GUCY1A2: variants seen among roughly 807,000 people sequenced by gnomAD.
GUCY1A2 encodes guanylate cyclase soluble subunit alpha-2.
Under a neutral mutation model 63.5 loss-of-function variants are expected in GUCY1A2, and 27 were observed. The ratio of observed to expected loss-of-function variants is 0.43; its 90% confidence interval spans 0.31 to 0.59. The LOEUF (loss-of-function observed/expected upper bound fraction) is 0.59. Ranked by LOEUF, GUCY1A2 falls within the 20% of genes least tolerant of loss-of-function variation. The pLI is 0.11. For missense variants in GUCY1A2, 768 were observed against 913.3 expected (o/e 0.84, Z 2.05); for synonymous variants, 364 against 343.5 (o/e 1.06, Z -0.66).
At chr11:106,894,974 T>G (rs1422892223) in intron 4 of GUCY1A2, among the ~76,000 whole-genome samples, 3 of 152,058 alleles carry the variant, frequency 2.0e-5, no homozygotes, top group African/African-American at 4.8e-5. Context: ...ACGTGGTTCT[T>G]TGAAAAGGTT....
intron 3 of GUCY1A2, among the ~76,000 whole-genome samples, chr11:106,954,158 T>C (rs748390683): frequency 6.6e-6 from 1 of 152,230 alleles, no homozygotes; most frequent in Non-Finnish European, 1.5e-5. Flanking sequence ...TTTAATGCTA[T>C]AGATTTCCAT....
chr11:106,840,852 C>A (rs975271313), intron 4 of GUCY1A2, among the ~76,000 whole-genome samples: 8 of 151,762 alleles, frequency 5.3e-5, no homozygotes, highest in Non-Finnish European at 1.2e-4. Context: ...AAATAAACTT[C>A]GGAAAAAATT....
At chr11:106,921,849 C>T (rs1860448495) in intron 4 of GUCY1A2, among the ~76,000 whole-genome samples, 1 of 152,146 alleles carries the variant, frequency 6.6e-6, no homozygotes, top group Non-Finnish European at 1.5e-5. Flanking sequence ...CCATTAACAA[C>T]ATGTGTTGTA....
chr11:106,957,670 A>G (rs1861004957), intron 3 of GUCY1A2, among the ~76,000 whole-genome samples: 1 of 151,434 alleles, frequency 6.6e-6, no homozygotes, highest in South Asian at 2.1e-4. Context: ...AAGGATTCAC[A>G]TGCTTAGATT....
Position 106,939,514 on chromosome 11 carries a change from G to C in GUCY1A2, c.1152C>G (p.Thr384=). 4 of 1,612,934 alleles carry C rather than the reference G, an allele frequency of 2.5e-6. No individual in the cohort carries two copies. Among genetic ancestry groups the C allele is most frequent in the Non-Finnish European group, 3.4e-6 (4 of 1,179,022 alleles). ...TFERVLLRLS[T]PFVIRTKPEA... is the part of the protein sequence containing the mutation. ...CAGGCTTGGTTCTAATCACAAACGG[G>C]GTAGACAGTCGCAGCAGGACCCTTT... Residue 384 remains threonine (T), a synonymous_variant, in exon 4 of 8, where the codon ACC becomes ACG. Transcript: ENST00000526355.
At chr11:106,709,548 AT>A (rs1412052300) in intron 6 of GUCY1A2, among the ~76,000 whole-genome samples, 2,508 of 56,580 alleles carry the variant, frequency 0.044, 176 homozygotes, top group African/African-American at 0.17. Flanking sequence ...ATATTATATT[AT>A]TATATAAATA....
chr11:106,762,818 T>C (rs1864088493), intron 6 of GUCY1A2, among the ~76,000 whole-genome samples: 1 of 152,130 alleles, frequency 6.6e-6, no homozygotes, highest in South Asian at 2.1e-4. Flanking sequence ...TTTTCTTTTA[T>C]GGTCATTATT....
intron 6 of GUCY1A2, among the ~76,000 whole-genome samples, chr11:106,768,158 C>T (rs1338328622): frequency 6.6e-6 from 1 of 152,104 alleles, no homozygotes; most frequent in Non-Finnish European, 1.5e-5. Flanking sequence ...CAATCTCTCT[C>T]TCTCTTTCTA....
intron 4 of GUCY1A2, among the ~76,000 whole-genome samples, chr11:106,841,310 G>A (rs1160018545): frequency 6.6e-6 from 1 of 151,792 alleles, no homozygotes; most frequent in South Asian, 2.1e-4. Flanking sequence ...AATATGTTAG[G>A]TGTATTTGAT....
intron 1 of GUCY1A2, among the ~76,000 whole-genome samples, chr11:107,003,189 A>C (rs1861631294): frequency 6.6e-6 from 1 of 152,094 alleles, no homozygotes; most frequent in Admixed American, 6.6e-5. Flanking sequence ...TTGTTTACTC[A>C]CCATATATTC....
intron 2 of GUCY1A2, among the ~76,000 whole-genome samples, chr11:106,982,515 T>C (rs1270573204): frequency 6.6e-6 from 1 of 152,160 alleles, no homozygotes; most frequent in African/African-American, 2.4e-5. Flanking sequence ...CAAGTGAGCA[T>C]GAATATGTAG....
In GUCY1A2 at chr11:106,879,911, T is replaced by G. The variant is rs117171403; in HGVS notation, c.1206+59549A>C. The stretch of plus-strand genomic sequence containing the variant: ...ATTAAGGTAGAGCTATATGCTGTCA[T>G]CAGTTAATCTAATTTTAAAAATTGA... On this transcript the variant is annotated intron_variant, in intron 4 of 7. Transcript: ENST00000526355. 6.1e-3 allele frequency among the ~76,000 whole-genome samples: 933 copies of G among 152,210 alleles called. 7 individuals carry two copies. The highest frequency in any genetic ancestry group is 0.011 in the Non-Finnish European group (720 of 68,002).
intron 4 of GUCY1A2, among the ~76,000 whole-genome samples, chr11:106,816,559 G>A (rs566339356): frequency 2.0e-5 from 3 of 150,468 alleles, no homozygotes; most frequent in African/African-American, 7.3e-5. Context: ...AAATATAAGA[G>A]CAAAATAAAC....
At chr11:106,825,035 T>A in intron 4 of GUCY1A2, 3 of 1,403,736 alleles carry the variant, frequency 2.1e-6, no homozygotes, top group Non-Finnish European at 2.9e-6. Context: ...AGACAATAGT[T>A]TTTAAAAGAA....
intron 4 of GUCY1A2, among the ~76,000 whole-genome samples, chr11:106,918,939 G>A (rs978508106): frequency 5.3e-5 from 8 of 152,060 alleles, no homozygotes; most frequent in Admixed American, 2.6e-4. Context: ...ACCTAAATTC[G>A]ATACTGCCCA....
chr11:106,924,309 C>T (rs1860489903), intron 4 of GUCY1A2, among the ~76,000 whole-genome samples: 1 of 152,192 alleles, frequency 6.6e-6, no homozygotes, highest in South Asian at 2.1e-4. Context: ...CTTCTTTATA[C>T]CTTCTGCATT....
intron 6 of GUCY1A2, among the ~76,000 whole-genome samples, chr11:106,726,373 G>A (rs1385513203): frequency 1.3e-5 from 2 of 152,070 alleles, no homozygotes; most frequent in Non-Finnish European, 2.9e-5. Context: ...CCGAGACCGG[G>A]CCATTGTACT....
At chr11:106,940,440 C>A (rs1453815273) in intron 3 of GUCY1A2, among the ~76,000 whole-genome samples, 1 of 152,010 alleles carries the variant, frequency 6.6e-6, no homozygotes, top group African/African-American at 2.4e-5. Flanking sequence ...ATTTTTAGAC[C>A]AGTTTTAGAG....
At chr11:106,978,570 CCT>C (rs750635981) in intron 3 of GUCY1A2, 47 bp downstream of exon 3, 3 of 1,270,260 alleles carry the variant, frequency 2.4e-6, no homozygotes, top group South Asian at 2.7e-5. Flanking sequence ...CTCGACTTTC[CCT>C]CTCTTTCATT....
Sources: allele counts gnomAD v4.1 joint callset (sites outside exome capture counted in the v4.1 genomes callset), GRCh38; gene constraint gnomAD v4.1.1; transcripts MANE v1.5; gene names NCBI Gene and HGNC (gene_info 2026-07-23, HGNC 2026-07-21).